The following IL4R variants were observed in gnomAD, a reference collection of about 807,000 sequenced individuals.
IL4R encodes the protein interleukin-4 receptor subunit alpha.
IL4R carries 17 observed loss-of-function variants against 41.5 expected under a neutral mutation model. The observed-to-expected ratio is 0.41, with a 90% CI of 0.28 to 0.61. IL4R has a LOEUF of 0.61. IL4R is among the 20% of genes least tolerant of loss of function. The pLI is 0.31. For synonymous variants in IL4R, 402 were observed against 422.9 expected (o/e 0.95, Z 0.61); for missense variants, 974 against 1,043.1 (o/e 0.93, Z 0.91).
chr16:27,334,525 G>A (rs2085199996), intron 2 of IL4R: 3 of 152,066 alleles, frequency 2.0e-5, no homozygotes. Flanking sequence ...TGTTTCCCTG[G>A]AGGACTTTAC....
intron 1 of IL4R, among the ~76,000 whole-genome samples, chr16:27,325,768 A>ACTCT (rs2084940761): frequency 6.6e-6 from 1 of 151,926 alleles, no homozygotes; most frequent in Admixed American, 6.6e-5. Context: ...CCCCGAGAGA[A>ACTCT]CTCTGGTGCA....
In IL4R at chr16:27,364,227, G is replaced by A; in HGVS notation, c.*397G>A. ...CCACCAGATCATGGCCCACGTGGAG[G>A]CCCACCTGCCTCTGTCTCACTGAAC... On this transcript the variant is annotated 3_prime_UTR_variant, in exon 11 of 11. Coordinates refer to ENST00000395762, the MANE Select transcript of IL4R (RefSeq NM_000418.4). The A allele has an allele frequency of 5.6e-6, 1 of 177,760 alleles. No individual in the cohort carries two copies. The highest frequency in any genetic ancestry group is 1.2e-5 in the Non-Finnish European group (1 of 84,994). 11.0% of individuals were successfully genotyped at this position (177,760 alleles called of 1,614,324 possible).
intron 6 of IL4R, among the ~76,000 whole-genome samples, chr16:27,350,877 G>C (rs1302841225): frequency 6.6e-6 from 1 of 152,186 alleles, no homozygotes; most frequent in Non-Finnish European, 1.5e-5. Context: ...CAGGCAGAGG[G>C]CATGTGCATC....
Position 27,363,618 on chromosome 16 carries a change from A to G in IL4R, c.2266A>G (p.Thr756Ala). The change falls in exon 11 of 11, where the codon ACA becomes GCA. Residue 756 changes from threonine (T) to alanine (A), a missense_variant. By Grantham distance (58) the Thr-to-Ala change is moderately conservative. Around this residue, in one of 3 missense-constraint regions of IL4R, gnomAD observed 682 missense variants for 704.3 expected, o/e 0.97. Coordinates refer to ENST00000395762, the MANE Select transcript of IL4R (RefSeq NM_000418.4). ...CTGTGGAGACAGGTCCTCGCCCCCT[A>G]CAACCCCCCTGAGGGCCCCAGACCC... Reference protein sequence around the residue: ...CCCGDRSSPPTTPLRAPDPSP... With the variant: ...CCCGDRSSPPATPLRAPDPSP... 2 of 1,613,076 alleles carry G rather than the reference A, an allele frequency of 1.2e-6. No individual in the cohort carries two copies. The highest frequency in any genetic ancestry group is 1.7e-6 in the Non-Finnish European group (2 of 1,179,760).
Position 27,363,045 on chromosome 16 carries a change from G to A in IL4R, c.1693G>A (p.Ala565Thr), listed in dbSNP as rs780563841. 7.4e-6 allele frequency: 12 copies of A among 1,614,164 alleles called. No individual in the cohort carries two copies. Among genetic ancestry groups the A allele is most frequent in the East Asian group, 4.5e-5 (2 of 44,882 alleles). Residue 565 changes from alanine (A) to threonine (T), a missense_variant, in exon 11 of 11, where the codon GCA (alanine) becomes ACA (threonine). Physicochemically the swap from Ala to Thr is moderately conservative, Grantham distance 58. This residue lies in a region of IL4R where 682 missense variants were observed against 704.3 expected (regional missense o/e 0.97). Transcript: ENST00000395762. Reference sequence around the variant, plus strand: ...AAATGTCCTCCAGCATGGGGCAGCTGCAGCCCCCGTCTCGGCCCCCACCAG... The same window carrying A: ...AAATGTCCTCCAGCATGGGGCAGCTACAGCCCCCGTCTCGGCCCCCACCAG... ...RRNVLQHGAA[A>T]APVSAPTSGY...
intron 5 of IL4R, 134 bp from the exon 6 acceptor site, chr16:27,346,333 T>C: frequency 1.5e-6 from 1 of 682,240 alleles, no homozygotes; most frequent in South Asian, 1.8e-5. Flanking sequence ...ATCTGTGTGG[T>C]GCTCCAGAAG....
rs552045258 is a variant in IL4R, at chr16:27,330,610, A to G, written c.-19+412A>G. On this transcript the variant is annotated intron_variant, in intron 2 of 10. Transcript: ENST00000395762. ...TGGTTTAGTGCTATGCAATTTTATC[A>G]CGGCATAGGTTTGTGTATGCAGCCA... 3.3e-5 allele frequency among the ~76,000 whole-genome samples: 5 copies of G among 152,076 alleles called. No individual in the cohort carries two copies. In the East Asian group the frequency reaches 7.7e-4, roughly 23 times the overall value.
intron 6 of IL4R, among the ~76,000 whole-genome samples, chr16:27,348,274 G>C (rs986788732): frequency 6.6e-6 from 1 of 152,146 alleles, no homozygotes; most frequent in African/African-American, 2.4e-5. Flanking sequence ...GGGGGAAGGA[G>C]TGCACAGATG....
At chr16:27,324,849 A>G (rs1008874610) in intron 1 of IL4R, among the ~76,000 whole-genome samples, 1 of 152,102 alleles carries the variant, frequency 6.6e-6, no homozygotes, top group Non-Finnish European at 1.5e-5. Context: ...TCGGCTCTCC[A>G]TCGTGGGAAG....
chr16:27,360,751 GTC>G lies in IL4R; in HGVS notation c.850-11_850-10del. On this transcript the variant is annotated splice_polypyrimidine_tract_variant and intron_variant, in intron 9 of 10. Coordinates refer to ENST00000395762, the MANE Select transcript of IL4R (RefSeq NM_000418.4). ...AGGCCACTCTGCTCTTTCATTGGCT[GTC>G]TCTGTATTTTAGGGGTCACAGTGGG... The G allele has an allele frequency of 6.2e-7, 1 of 1,614,084 alleles. No homozygotes were observed. The highest frequency in any genetic ancestry group is 8.5e-7 in the Non-Finnish European group (1 of 1,180,026).
At chr16:27,334,932 T>TA (rs1403346916) in intron 2 of IL4R, among the ~76,000 whole-genome samples, 1 of 152,078 alleles carries the variant, frequency 6.6e-6, no homozygotes, top group Admixed American at 6.6e-5. Context: ...CCGTTGTAGA[T>TA]ACTGGGGACT....
intron 1 of IL4R, among the ~76,000 whole-genome samples, chr16:27,327,454 C>G (rs2084987509): frequency 1.3e-5 from 2 of 152,236 alleles, no homozygotes; most frequent in African/African-American, 4.8e-5. Flanking sequence ...AGTGTGTTCT[C>G]CTGGTGGCGG....
At chr16:27,360,896 C>G (rs780518893) in intron 10 of IL4R, 81 bp downstream of exon 10, 2 of 1,612,142 alleles carry the variant, frequency 1.2e-6, no homozygotes, top group Non-Finnish European at 1.7e-6. Context: ...AGCTCCATGT[C>G]TGCCTTCTCT....
In IL4R at chr16:27,348,496, C is replaced by T. The variant is rs142035092; in HGVS notation, c.513+1878C>T. On this transcript the variant is annotated intron_variant, in intron 6 of 10. Coordinates refer to ENST00000395762, the MANE Select transcript of IL4R (RefSeq NM_000418.4). ...GCTTCTAGGAACCTGTCCAGCTCTG[C>T]GCCCTGCTTTATTCTGTACTGGCTT... Among the ~76,000 whole-genome samples the T allele has an allele frequency of 1.1e-3, 173 of 152,356 alleles. 1 individual carries two copies. The highest frequency in any genetic ancestry group is 1.2e-3 in the Non-Finnish European group (83 of 68,032).
intron 2 of IL4R, among the ~76,000 whole-genome samples, chr16:27,333,915 C>T (rs1164077498): frequency 6.6e-6 from 1 of 151,658 alleles, no homozygotes; most frequent in Non-Finnish European, 1.5e-5. Context: ...GACAGTCTTG[C>T]TCTGTCACCC....
Position 27,342,344 on chromosome 16 carries a change from T to C in IL4R, c.209+85T>C, listed in dbSNP as rs1404959766. Reference sequence around the variant, plus strand: ...AGTGAGCTGGGTCCAGGTGGTGCGCTGGAGTGCAGGATGCTGAGTATGGTT... The same window carrying C: ...AGTGAGCTGGGTCCAGGTGGTGCGCCGGAGTGCAGGATGCTGAGTATGGTT... On this transcript the variant is annotated intron_variant, in intron 4 of 10. Transcript: ENST00000395762. 4 of 1,524,400 alleles carry C rather than the reference T, an allele frequency of 2.6e-6. No homozygotes were observed. In the Admixed American group the frequency reaches 5.2e-5, roughly 20 times the overall value. The allele number at this position is 1,524,400 out of a possible 1,614,324, so 94.4% of individuals were successfully genotyped here. A position where few individuals can be genotyped will look rare whatever the true frequency, so the allele number is the denominator to read the frequency against.
rs748953766 is a variant in IL4R, at chr16:27,340,177, T to C, written c.-18-9T>C. The C allele has an allele frequency of 1.1e-5, 18 of 1,604,132 alleles. No homozygotes were observed. Among genetic ancestry groups the C allele is most frequent in the Non-Finnish European group, 1.5e-5 (18 of 1,172,804 alleles). On this transcript the variant is annotated splice_polypyrimidine_tract_variant and intron_variant, in intron 2 of 10. Coordinates refer to ENST00000395762, the MANE Select transcript of IL4R (RefSeq NM_000418.4). The stretch of plus-strand genomic sequence containing the variant: ...GGTCAGCACTAACCTGCTTCCTCTC[T>C]CTCTGCAGGTGCCTTGGCATCTCCC...
chr16:27,341,642 A>G (rs897169382), intron 3 of IL4R, among the ~76,000 whole-genome samples: 42 of 152,294 alleles, frequency 2.8e-4, no homozygotes, highest in African/African-American at 9.1e-4. Flanking sequence ...CCAACCGGAA[A>G]CTAAAGGCCA....
At chr16:27,327,987 G>A (rs555934665) in intron 1 of IL4R, among the ~76,000 whole-genome samples, 2 of 151,928 alleles carry the variant, frequency 1.3e-5, no homozygotes, top group African/African-American at 2.4e-5. Flanking sequence ...TGAGGCAGGC[G>A]GATCAGGAGG....
Sources: gnomAD v4.1 joint callset for allele counts (sites outside exome capture counted in the v4.1 genomes callset) on GRCh38, gnomAD v4.1.1 for gene constraint, gnomAD v4.1.1 regional missense constraint, MANE v1.5 for transcripts, NCBI Gene and HGNC (gene_info 2026-07-23, HGNC 2026-07-21) for gene names.